The following SYT1 variants were observed in gnomAD, a reference collection of about 807,000 sequenced individuals.
SYT1 encodes synaptotagmin-1.
Under a neutral mutation model 44.8 loss-of-function variants are expected in SYT1, and 8 were observed. That is an observed-to-expected ratio of 0.18 (90% CI 0.10 to 0.32). The LOEUF (loss-of-function observed/expected upper bound fraction) is 0.32, where lower values mean the gene tolerates loss of function less well. SYT1 is among the 10% of genes least tolerant of loss of function. The pLI is 1.00. For missense variants in SYT1, 286 were observed against 509.3 expected (o/e 0.56, Z 4.22); for synonymous variants, 154 against 188.8 (o/e 0.82, Z 1.51).
intron 3 of SYT1, among the ~76,000 whole-genome samples, chr12:79,107,898 A>T (rs1011897610): frequency 1.3e-5 from 2 of 152,050 alleles, no homozygotes; most frequent in African/African-American, 4.8e-5. Flanking sequence ...TTTAAAAAAC[A>T]AAAAACTAAA....
At chr12:79,026,531 C>T (rs573501902) in intron 2 of SYT1, among the ~76,000 whole-genome samples, 2 of 150,574 alleles carry the variant, frequency 1.3e-5, no homozygotes, top group African/African-American at 2.4e-5. Context: ...ATTGGAATCA[C>T]GTGGTTTATT....
At chr12:79,321,594 A>G (rs1262108274) in intron 8 of SYT1, among the ~76,000 whole-genome samples, 1 of 152,226 alleles carries the variant, frequency 6.6e-6, no homozygotes, top group African/African-American at 2.4e-5. Context: ...CCTGAACTGA[A>G]CCTGAAGGTA....
At chr12:78,914,533 TATAG>T (rs1428715759) in intron 1 of SYT1, among the ~76,000 whole-genome samples, 38 of 151,962 alleles carry the variant, frequency 2.5e-4, no homozygotes, top group Admixed American at 1.7e-3. Context: ...GATATGTGAG[TATAG>T]ATAGATAGAG....
intron 3 of SYT1, among the ~76,000 whole-genome samples, chr12:79,087,980 T>C (rs1238888779): frequency 1.3e-5 from 2 of 152,088 alleles, no homozygotes; most frequent in Non-Finnish European, 2.9e-5. Context: ...TCAGTGACTA[T>C]TAGTTGAATG....
intron 1 of SYT1, among the ~76,000 whole-genome samples, chr12:78,969,262 T>C (rs1209308191): frequency 6.6e-6 from 1 of 152,214 alleles, no homozygotes; most frequent in Non-Finnish European, 1.5e-5. Flanking sequence ...CCAAAGATTT[T>C]AGTATTTACA....
At chr12:79,275,037 G>C (rs1464503760) in intron 4 of SYT1, among the ~76,000 whole-genome samples, 6 of 152,144 alleles carry the variant, frequency 3.9e-5, no homozygotes, top group Non-Finnish European at 5.9e-5. Flanking sequence ...GCTAGATCCA[G>C]AGGAGCAGGA....
intron 1 of SYT1, among the ~76,000 whole-genome samples, chr12:78,895,782 G>C (rs1875327258): frequency 6.6e-6 from 1 of 151,748 alleles, no homozygotes; most frequent in Admixed American, 6.6e-5. Flanking sequence ...TCCATATTTT[G>C]ATCTATGGTC....
intron 8 of SYT1, among the ~76,000 whole-genome samples, chr12:79,344,015 C>T (rs1882493481): frequency 6.6e-6 from 1 of 152,322 alleles, no homozygotes; most frequent in African/African-American, 2.4e-5. Flanking sequence ...AAAAACTAGA[C>T]AGGTAGCTCT....
At chr12:79,428,490 A>G (rs916972172) in intron 9 of SYT1, among the ~76,000 whole-genome samples, 2 of 152,212 alleles carry the variant, frequency 1.3e-5, no homozygotes, top group African/African-American at 4.8e-5. Flanking sequence ...AGACAGATGC[A>G]TACCCCATGT....
At chr12:79,082,130 G>C (rs1268473831) in intron 3 of SYT1, among the ~76,000 whole-genome samples, 2 of 152,118 alleles carry the variant, frequency 1.3e-5, no homozygotes, top group Non-Finnish European at 2.9e-5. Flanking sequence ...CACAGATTTT[G>C]GAAGGAATTT....
chr12:79,225,210 A>AT (rs1875447829), intron 4 of SYT1, among the ~76,000 whole-genome samples: 1 of 152,162 alleles, frequency 6.6e-6, no homozygotes, highest in Non-Finnish European at 1.5e-5. Context: ...TGAGAGATTT[A>AT]TAAGAGAATT....
At chr12:79,431,397 T>C (rs1869765721) in intron 9 of SYT1, among the ~76,000 whole-genome samples, 1 of 152,166 alleles carries the variant, frequency 6.6e-6, no homozygotes, top group South Asian at 2.1e-4. Flanking sequence ...GTGATTGACT[T>C]TAATCACAAA....
intron 8 of SYT1, among the ~76,000 whole-genome samples, chr12:79,329,194 C>T (rs930066465): frequency 2.6e-5 from 4 of 152,202 alleles, no homozygotes; most frequent in African/African-American, 7.2e-5. Flanking sequence ...GTGAGGAGGC[C>T]GTAAGCAACC....
chr12:79,006,472 C>A (rs1448908549), intron 2 of SYT1, among the ~76,000 whole-genome samples: 2 of 152,038 alleles, frequency 1.3e-5, no homozygotes, highest in Admixed American at 6.6e-5. Flanking sequence ...AGGTGCTTTT[C>A]TTGAGAAACT....
chr12:79,192,556 T>C (rs1405504), intron 3 of SYT1, among the ~76,000 whole-genome samples: 107,424 of 152,052 alleles, frequency 0.71, 38,451 homozygotes, highest in African/African-American at 0.77. Flanking sequence ...ATCGTTAATA[T>C]CTACAATGTG....
chr12:79,210,584 C>T (rs1289811132), intron 3 of SYT1, among the ~76,000 whole-genome samples: 1 of 152,176 alleles, frequency 6.6e-6, no homozygotes, highest in African/African-American at 2.4e-5. Flanking sequence ...TTATTCATTC[C>T]TTTTCATGGC....
At chr12:78,946,856 GAC>G (rs879736623) in intron 1 of SYT1, among the ~76,000 whole-genome samples, 13 of 152,190 alleles carry the variant, frequency 8.5e-5, no homozygotes, top group Admixed American at 8.5e-4. Context: ...CAAATGTAAT[GAC>G]CAGAGAAGAT....
At chr12:79,081,006 A>C (rs1876995357) in intron 3 of SYT1, among the ~76,000 whole-genome samples, 1 of 152,040 alleles carries the variant, frequency 6.6e-6, no homozygotes, top group Non-Finnish European at 1.5e-5. Context: ...ATGCTGTAAA[A>C]CTCTTCAGAT....
intron 4 of SYT1, among the ~76,000 whole-genome samples, chr12:79,282,250 T>C: frequency 6.6e-6 from 1 of 152,190 alleles, no homozygotes; most frequent in South Asian, 2.1e-4. Flanking sequence ...GATGTGGTCA[T>C]CTTGGAGGGG....
Sources: gnomAD v4.1 joint callset for allele counts (sites outside exome capture counted in the v4.1 genomes callset) on GRCh38, gnomAD v4.1.1 for gene constraint, MANE v1.5 for transcripts, NCBI Gene and HGNC (gene_info 2026-07-23, HGNC 2026-07-21) for gene names.